The following ULK4 variants were observed in gnomAD, a reference collection of about 807,000 sequenced individuals.
The protein encoded by ULK4 is inactive serine/threonine-protein kinase ULK4.
A neutral mutation model predicts 160.6 loss-of-function variants in ULK4; 133 were observed. The ratio of observed to expected loss-of-function variants is 0.83; its 90% CI spans 0.72 to 0.96. The LOEUF is 0.96. Among genes scored for constraint, ULK4 ranks in the 40% least tolerant of loss-of-function variants. ULK4 has a pLI of 0.00. For synonymous variants in ULK4, 534 were observed against 539.8 expected, an observed-to-expected ratio of 0.99 and a Z score of 0.15; for missense variants, 1,580 against 1,499.5, an observed-to-expected ratio of 1.05 and a Z score of -0.89.
At chr3:41,807,358 GA>G (rs2040677666) in intron 19 of ULK4, among the ~76,000 whole-genome samples, 1 of 152,032 alleles carries the variant, frequency 6.6e-6, no homozygotes, top group Admixed American at 6.6e-5. Flanking sequence ...TTCAACTTTA[GA>G]AATTTTTACA....
intron 35 of ULK4, among the ~76,000 whole-genome samples, chr3:41,337,012 CTTA>C (rs2080572820): frequency 6.6e-6 from 1 of 152,250 alleles, no homozygotes; most frequent in Non-Finnish European, 1.5e-5. Context: ...CAAATGTCAT[CTTA>C]TTGGATTGTC....
At chr3:41,813,718 A>C (rs977393434) in intron 19 of ULK4, among the ~76,000 whole-genome samples, 3 of 152,246 alleles carry the variant, frequency 2.0e-5, no homozygotes, top group Admixed American at 1.3e-4. Flanking sequence ...CCTACAGTCT[A>C]AATTTCTAGT....
chr3:41,445,088 C>T (rs2083266529), intron 34 of ULK4, among the ~76,000 whole-genome samples: 1 of 152,122 alleles, frequency 6.6e-6, no homozygotes, highest in African/African-American at 2.4e-5. Flanking sequence ...AACAGACAAA[C>T]AGAGAGCCAA....
chr3:41,575,888 A>C (rs2088173154), intron 31 of ULK4, among the ~76,000 whole-genome samples: 1 of 152,036 alleles, frequency 6.6e-6, no homozygotes, highest in Non-Finnish European at 1.5e-5. Context: ...CTTGGCTCTC[A>C]ATGTGGCCCT....
At chr3:41,820,587 G>C (rs1191477932) in intron 18 of ULK4, among the ~76,000 whole-genome samples, 1 of 152,030 alleles carries the variant, frequency 6.6e-6, no homozygotes. Context: ...AATACACACA[G>C]ACAGAAGATA....
intron 35 of ULK4, among the ~76,000 whole-genome samples, chr3:41,263,678 C>A (rs2078983667): frequency 6.6e-6 from 1 of 152,284 alleles, no homozygotes; most frequent in African/African-American, 2.4e-5. Context: ...GAATTTGAGA[C>A]CTCCAGTGTC....
At chr3:41,839,852 T>C (rs1011694431) in intron 17 of ULK4, among the ~76,000 whole-genome samples, 3 of 151,894 alleles carry the variant, frequency 2.0e-5, no homozygotes, top group African/African-American at 7.3e-5. Context: ...AAAACAATAC[T>C]CAGGTAAAAA....
Position 41,311,894 on chromosome 3 carries a change from A to ATATATATATATATATATATATATG in ULK4, c.3679-62321_3679-62320insCATATATATATATATATATATATA, listed in dbSNP as rs1164908059. On this transcript the variant is annotated intron_variant, in intron 35 of 36. Transcript: ENST00000301831. ...ACTCTCCTCATATATATATATATAT[A>ATATATATATATATATATATATATG]TCCTATTAGTTCTGTCCCTCTAGAT... Among the ~76,000 whole-genome samples the ATATATATATATATATATATATATG allele has an allele frequency of 8.6e-5, 13 of 151,346 alleles. 1 individual carries two copies. The highest frequency in any genetic ancestry group is 3.2e-4 in the African/African-American group (13 of 41,020).
At chr3:41,677,698 T>G (rs2035774158) in intron 29 of ULK4, among the ~76,000 whole-genome samples, 1 of 152,186 alleles carries the variant, frequency 6.6e-6, no homozygotes, top group South Asian at 2.1e-4. Flanking sequence ...TGATATTAAT[T>G]CATCAATTTA....
At chr3:41,913,130 T>C in intron 8 of ULK4, 1 of 357,616 alleles carries the variant, frequency 2.8e-6, no homozygotes, top group South Asian at 7.7e-5. Flanking sequence ...GTCTGATAAC[T>C]AAGCATTAGA....
intron 17 of ULK4, among the ~76,000 whole-genome samples, chr3:41,863,966 T>G (rs966293391): frequency 6.6e-6 from 1 of 151,918 alleles, no homozygotes; most frequent in East Asian, 1.9e-4. Flanking sequence ...TCTCAGTATG[T>G]CATGTGCCCC....
intron 35 of ULK4, among the ~76,000 whole-genome samples, chr3:41,382,910 T>C (rs919759378): frequency 1.3e-5 from 2 of 152,170 alleles, no homozygotes; most frequent in African/African-American, 4.8e-5. Flanking sequence ...GGATATTTGT[T>C]ATTGTTTATT....
rs934766292 is a variant in ULK4, at chr3:41,700,466, T to A, written c.2781+4591A>T. On this transcript the variant is annotated intron_variant, in intron 27 of 36. Transcript: ENST00000301831. ...CACACACATTCACACTCCTGACAAC[T>A]GAGGAGGCTGCCCTGGGAAGTTATG... 5.9e-5 allele frequency among the ~76,000 whole-genome samples: 9 copies of A among 152,270 alleles called. No homozygotes were observed. The South Asian group carries it at 8.3e-4, about 14-fold the overall frequency.
intron 35 of ULK4, among the ~76,000 whole-genome samples, chr3:41,394,912 A>G (rs1343742008): frequency 6.6e-6 from 1 of 152,132 alleles, no homozygotes; most frequent in African/African-American, 2.4e-5. Flanking sequence ...TTCTTGAACA[A>G]CTAAAGAAGA....
chr3:41,529,622 C>CT (rs1324438161), intron 32 of ULK4, among the ~76,000 whole-genome samples: 3 of 152,148 alleles, frequency 2.0e-5, no homozygotes, highest in African/African-American at 7.2e-5. Flanking sequence ...GTAGCTGGGA[C>CT]TACAGGTGTG....
chr3:41,559,979 T>C (rs1182084855), intron 32 of ULK4, among the ~76,000 whole-genome samples: 1 of 152,202 alleles, frequency 6.6e-6, no homozygotes, highest in Non-Finnish European at 1.5e-5. Flanking sequence ...TAGGTTTTCT[T>C]CTAGGGTTTT....
intron 5 of ULK4, among the ~76,000 whole-genome samples, chr3:41,929,489 C>T (rs577546422): frequency 1.3e-5 from 2 of 152,302 alleles, no homozygotes; most frequent in South Asian, 4.1e-4. Flanking sequence ...AAGTTCTGGT[C>T]AGGGCAATCA....
At chr3:41,504,218 A>C (rs1256400) in intron 32 of ULK4, among the ~76,000 whole-genome samples, 127,670 of 151,944 alleles carry the variant, frequency 0.84, 54,929 homozygotes, top group Non-Finnish European at 0.94. Flanking sequence ...TTACAACAAC[A>C]CTCATCTCAC....
intron 31 of ULK4, among the ~76,000 whole-genome samples, chr3:41,574,804 C>T (rs1441098425): frequency 2.0e-5 from 3 of 152,134 alleles, no homozygotes; most frequent in African/African-American, 7.2e-5. Flanking sequence ...CCTTGGCCTC[C>T]CAAAGTGCTG....
Sources: allele counts gnomAD v4.1 joint callset (sites outside exome capture counted in the v4.1 genomes callset), GRCh38; gene constraint gnomAD v4.1.1; transcripts MANE v1.5; gene names NCBI Gene and HGNC (gene_info 2026-07-23, HGNC 2026-07-21).